The following TNIK variants were observed in gnomAD, a reference collection of about 807,000 sequenced individuals.
TNIK encodes the protein TRAF2 and NCK-interacting protein kinase.
TNIK carries 49 observed loss-of-function variants against 191.3 expected under a neutral mutation model. That is an observed-to-expected ratio of 0.26 (90% confidence interval 0.20 to 0.32). TNIK has a LOEUF of 0.32. TNIK is among the 10% of genes least tolerant of loss of function. The pLI is 1.00. For synonymous variants in TNIK, 594 were observed against 600.9 expected, an observed-to-expected ratio of 0.99 and a Z score of 0.17; for missense variants, 1,155 against 1,702.3, an observed-to-expected ratio of 0.68 and a Z score of 5.66.
intron 2 of TNIK, among the ~76,000 whole-genome samples, chr3:171,358,009 G>A (rs1343749345): frequency 1.3e-5 from 2 of 152,130 alleles, no homozygotes; most frequent in South Asian, 2.1e-4. Flanking sequence ...GAGGTGCATC[G>A]GGGAGTGTTG....
chr3:171,448,569 C>CTTTTTTT (rs79607104), intron 1 of TNIK, among the ~76,000 whole-genome samples: 2 of 126,418 alleles, frequency 1.6e-5, no homozygotes, highest in African/African-American at 3.0e-5. Flanking sequence ...TTCATGTACA[C>CTTTTTTT]TTTTTTTTTT....
intron 2 of TNIK, among the ~76,000 whole-genome samples, chr3:171,315,878 A>G (rs1230212707): frequency 6.6e-6 from 1 of 152,144 alleles, no homozygotes; most frequent in Non-Finnish European, 1.5e-5. Context: ...ACATCTGCAG[A>G]GACCCTATTT....
chr3:171,451,365 G>T (rs1439929187), intron 1 of TNIK, among the ~76,000 whole-genome samples: 1 of 152,214 alleles, frequency 6.6e-6, no homozygotes, highest in Non-Finnish European at 1.5e-5. Context: ...AGATCCTCCA[G>T]CTCCAGTCAA....
intron 2 of TNIK, among the ~76,000 whole-genome samples, chr3:171,344,364 A>G (rs1711813169): frequency 6.6e-6 from 1 of 152,136 alleles, no homozygotes; most frequent in South Asian, 2.1e-4. Flanking sequence ...GAACAACCAC[A>G]AGAAAGTCTT....
intron 2 of TNIK, among the ~76,000 whole-genome samples, chr3:171,256,209 A>AC (rs1320108706): frequency 2.6e-5 from 4 of 151,966 alleles, no homozygotes; most frequent in African/African-American, 4.8e-5. Flanking sequence ...TTTGATGCCT[A>AC]CTTCACTATG....
intron 12 of TNIK, 26 bp from the exon 13 acceptor site, chr3:171,140,535 TGAAGGCAACAGGCCCCG>T: frequency 6.2e-7 from 1 of 1,610,254 alleles, no homozygotes; most frequent in Non-Finnish European, 8.5e-7. Context: ...CAGACAACCA[TGAAGGCAACAGGCCCCG>T]GTGGGGGGTG....
At chr3:171,197,513 G>A (rs1296619311) in intron 4 of TNIK, among the ~76,000 whole-genome samples, 5 of 152,124 alleles carry the variant, frequency 3.3e-5, no homozygotes, top group Non-Finnish European at 7.4e-5. Flanking sequence ...ATCTGATAAA[G>A]GTCTACTATC....
rs761828475 is a variant in TNIK at position 171,101,400 on chromosome 3, T to C, written c.2591+49A>G. ...CTCATATTTTTTTGTCCTTTTATTT[T>C]GGAAACCTAGTCCCCTCCCGGTCTA... On this transcript the variant is annotated intron_variant, in intron 22 of 32. Coordinates refer to ENST00000436636, the MANE Select transcript of TNIK (RefSeq NM_015028.4). The C allele has an allele frequency of 6.5e-6, 10 of 1,532,708 alleles. No individual in the cohort carries two copies. The South Asian group carries it at 1.0e-4, about 16-fold the overall frequency. The allele number at this position is 1,532,708 out of a possible 1,614,324, so 94.9% of individuals were successfully genotyped here.
At chr3:171,210,433 T>C (rs566422068) in intron 4 of TNIK, among the ~76,000 whole-genome samples, 3 of 152,238 alleles carry the variant, frequency 2.0e-5, no homozygotes, top group African/African-American at 4.8e-5. Context: ...AGTAAACTCA[T>C]TGGTGGGACA....
At chr3:171,084,465 AC>A in intron 25 of TNIK, 140 bp from the exon 26 acceptor site, 2 of 1,029,648 alleles carry the variant, frequency 1.9e-6, no homozygotes, top group Non-Finnish European at 2.8e-6. Flanking sequence ...TCCTTATTTT[AC>A]ACTTTTTTTT....
chr3:171,140,292 AC>A, intron 13 of TNIK, 106 bp downstream of exon 13: 1 of 898,522 alleles, frequency 1.1e-6, no homozygotes, highest in South Asian at 1.8e-5. Flanking sequence ...AAGAGTAAAA[AC>A]CCATGTAAAC....
At chr3:171,259,501 AAAG>A (rs1747327263) in intron 2 of TNIK, among the ~76,000 whole-genome samples, 2 of 152,164 alleles carry the variant, frequency 1.3e-5, no homozygotes, top group African/African-American at 4.8e-5. Context: ...GCCCTTGAAC[AAAG>A]AAGGTGGAAA....
At chr3:171,284,865 A>ATG (rs1750847982) in intron 2 of TNIK, among the ~76,000 whole-genome samples, 1 of 151,976 alleles carries the variant, frequency 6.6e-6, no homozygotes, top group African/African-American at 2.4e-5. Context: ...TTACTAAAGC[A>ATG]GGGAAGGAGT....
intron 2 of TNIK, among the ~76,000 whole-genome samples, chr3:171,341,126 G>A (rs1363498969): frequency 2.0e-5 from 3 of 152,096 alleles, no homozygotes; most frequent in Non-Finnish European, 4.4e-5. Flanking sequence ...AATCTATTTT[G>A]TTAGTATAGT....
chr3:171,404,177 G>A (rs79585143), intron 1 of TNIK, among the ~76,000 whole-genome samples: 11,264 of 152,222 alleles, frequency 0.074, 567 homozygotes, highest in Middle Eastern at 0.21. Flanking sequence ...GGGGCTCTAT[G>A]AGAATTTTGA....
chr3:171,128,887 C>CCAA lies in TNIK; in HGVS notation c.1609-10_1609-9insTTG, dbSNP rs775289646. 8.8e-6 allele frequency: 11 copies of CCAA among 1,245,214 alleles called. No homozygotes were observed. The highest frequency in any genetic ancestry group is 4.0e-5 in the African/African-American group (2 of 49,644). 77.1% of individuals were successfully genotyped at this position (1,245,214 alleles called of 1,614,324 possible). On this transcript the variant is annotated splice_polypyrimidine_tract_variant and intron_variant, in intron 15 of 32. Coordinates refer to ENST00000436636, the MANE Select transcript of TNIK (RefSeq NM_015028.4). ...CTTGACCGTTCTTCTACCTACAACCCAAAAAAAAAAAAAAAAAAAAGACAG... is the reference window on the plus strand; with the variant it reads ...CTTGACCGTTCTTCTACCTACAACCCCAAAAAAAAAAAAAAAAAAAAAAGACAG...
At position 171,133,480 on chromosome 3, in the gene TNIK, A is replaced by G. The variant is rs79675923; in HGVS notation, c.1609-4602T>C. ...CATATTTCATTTGAATTTGTGTAGT[A>G]TGTAACTTTAAATGGCACGTGCATA... On this transcript the variant is annotated intron_variant, in intron 15 of 32. Coordinates refer to ENST00000436636, the MANE Select transcript of TNIK (RefSeq NM_015028.4). Among the ~76,000 whole-genome samples, 99 of 152,350 alleles carry G rather than the reference A, an allele frequency of 6.5e-4. No homozygotes were observed. The East Asian group carries it at 0.018, about 28-fold the overall frequency.
chr3:171,162,299 C>T (rs546591006), intron 10 of TNIK, among the ~76,000 whole-genome samples: 26 of 152,094 alleles, frequency 1.7e-4, no homozygotes, highest in East Asian at 3.9e-4. Context: ...TTACAGGCAC[C>T]GGTAGTCCCA....
At chr3:171,109,148 A>G (rs977147079) in intron 19 of TNIK, among the ~76,000 whole-genome samples, 1 of 152,212 alleles carries the variant, frequency 6.6e-6, no homozygotes, top group African/African-American at 2.4e-5. Flanking sequence ...TAGAAAAAAG[A>G]TAACAGAATG....
Sources: allele counts gnomAD v4.1 joint callset (sites outside exome capture counted in the v4.1 genomes callset), GRCh38; gene constraint gnomAD v4.1.1; transcripts MANE v1.5; gene names NCBI Gene and HGNC (gene_info 2026-07-23, HGNC 2026-07-21).